PAFAH1B2: variants seen among roughly 807,000 people sequenced by gnomAD.
PAFAH1B2 encodes the protein platelet activating factor acetylhydrolase 1b catalytic subunit 2, also known as platelet-activating factor acetylhydrolase IB subunit alpha2.
A neutral mutation model predicts 28.0 loss-of-function variants in PAFAH1B2; 8 were observed. The ratio of observed to expected loss-of-function variants is 0.29; its 90% CI spans 0.17 to 0.52. The LOEUF is 0.52. Among genes scored for constraint, PAFAH1B2 ranks in the 20% least tolerant of loss-of-function variants. The pLI is 0.97. For missense variants in PAFAH1B2, 190 were observed against 282.6 expected (o/e 0.67, Z 2.35); for synonymous variants, 104 against 103.2 (o/e 1.01, Z -0.05).
downstream of PAFAH1B2, chr11:117,174,849 A>G (rs1055189223): frequency 1.1e-5 from 14 of 1,302,882 alleles, no homozygotes; most frequent in Non-Finnish European, 1.5e-5. Flanking sequence ...TCCTGACTTC[A>G]GATGATCCAA....
At chr11:117,174,055 G>A (rs754241415), downstream of PAFAH1B2, among the ~76,000 whole-genome samples, 42 of 151,994 alleles carry the variant, frequency 2.8e-4, no homozygotes, top group Non-Finnish European at 5.4e-4. Context: ...CCCACCCATA[G>A]GCATGGCTAC....
In PAFAH1B2 at chr11:117,161,329, AC is replaced by A. The variant is rs542841336; in HGVS notation, c.288+69del. 1.8e-4 allele frequency: 185 copies of A among 1,020,712 alleles called. No homozygotes were observed. The African/African-American group carries it at 3.0e-3, about 17-fold the overall frequency. 63.2% of individuals were successfully genotyped at this position (1,020,712 alleles called of 1,614,324 possible). ...GTTTTGGATAGTTAAATTGTCTGAA[AC>A]TGTAAAAAAAAATTGCTTCTTTAAA... is the stretch of plus-strand genomic sequence containing the variant. On this transcript the variant is annotated intron_variant, in intron 4 of 5. Coordinates refer to ENST00000527958, the MANE Select transcript of PAFAH1B2 (RefSeq NM_002572.4).
At chr11:117,164,756 C>T (rs1398114118) in intron 5 of PAFAH1B2, among the ~76,000 whole-genome samples, 1 of 151,862 alleles carries the variant, frequency 6.6e-6, no homozygotes, top group Non-Finnish European at 1.5e-5. Flanking sequence ...TAGCTGTAGG[C>T]CGGGTGTGGT....
downstream of PAFAH1B2, chr11:117,171,615 TC>T: frequency 9.6e-7 from 1 of 1,040,638 alleles, no homozygotes. Context: ...CACCCTTACG[TC>T]CCCAGGGTAA....
chr11:117,158,966 A>G (rs1956312712), intron 2 of PAFAH1B2, among the ~76,000 whole-genome samples: 1 of 152,074 alleles, frequency 6.6e-6, no homozygotes, highest in South Asian at 2.1e-4. Context: ...GGATGTTCTT[A>G]CTCTTAGGAG....
Position 117,159,332 on chromosome 11 carries a change from G to A in PAFAH1B2, c.82-602G>A, listed in dbSNP as rs563766488. 3 of 152,264 alleles carry A rather than the reference G, an allele frequency of 2.0e-5. No individual in the cohort carries two copies. The South Asian group carries it at 6.2e-4, about 32-fold the overall frequency. The allele number at this position is 152,264 out of a possible 1,614,324, so 9.4% of individuals were successfully genotyped here. On this transcript the variant is annotated intron_variant, in intron 2 of 5. Transcript: ENST00000527958. The stretch of plus-strand genomic sequence containing the variant: ...ATAGAATGAGAGGAATAAGCTTTGG[G>A]GATAGACTAAAAAAAATGTTCAACA...
downstream of PAFAH1B2, among the ~76,000 whole-genome samples, chr11:117,172,378 ATATATATATATATATATATATATATAT>A (rs1210060015): frequency 2.6e-3 from 20 of 7,772 alleles, no homozygotes; most frequent in East Asian, 0.013. Context: ...ATATATATAT[ATATATATATATATATATATATATATAT>A]TTTTTTTTTT....
chr11:117,153,597 G>T (rs1011137788), intron 2 of PAFAH1B2, among the ~76,000 whole-genome samples: 6 of 152,124 alleles, frequency 3.9e-5, no homozygotes, highest in Non-Finnish European at 8.8e-5. Context: ...TGCCATGTTG[G>T]CCAGGCTGGT....
At position 117,159,990 on chromosome 11, in the gene PAFAH1B2, A is replaced by G; in HGVS notation, c.138A>G (p.Gly46=). 6.2e-7 allele frequency: 1 copy of G among 1,613,764 alleles called. No homozygotes were observed. The highest frequency in any genetic ancestry group is 8.5e-7 in the Non-Finnish European group (1 of 1,179,680). ...AAGAGCCTGATGTACTGTTCGTGGGAGACTCCATGGTGCAGTTAATGCAGC... is the reference window on the plus strand; with the variant it reads ...AAGAGCCTGATGTACTGTTCGTGGGGGACTCCATGGTGCAGTTAATGCAGC... ...KDKEPDVLFV[G]DSMVQLMQQY... Residue 46 remains glycine, a synonymous_variant, in exon 3 of 6, where the codon GGA becomes GGG. Transcript: ENST00000527958.
chr11:117,147,388 C>A (rs1259696250), intron 1 of PAFAH1B2, among the ~76,000 whole-genome samples: 1 of 152,164 alleles, frequency 6.6e-6, no homozygotes, highest in Non-Finnish European at 1.5e-5. Flanking sequence ...TGTAGAGACA[C>A]AGTTTCACCA....
Position 117,168,674 on chromosome 11 carries a change from T to G in PAFAH1B2, c.*975T>G. The G allele has an allele frequency of 9.4e-7, 1 of 1,063,312 alleles. No individual in the cohort carries two copies. Among genetic ancestry groups the G allele is most frequent in the East Asian group, 5.0e-5 (1 of 19,918 alleles). The allele number at this position is 1,063,312 out of a possible 1,614,324, so 65.9% of individuals were successfully genotyped here. A position where few individuals can be genotyped will look rare whatever the true frequency, so the allele number is the denominator to read the frequency against. ...TTTTCCCTTAAAACCTGTTAACAGTTTTTTTTGGGGGTGGGGGGATTCAGA... is the reference window on the plus strand; with the variant it reads ...TTTTCCCTTAAAACCTGTTAACAGTGTTTTTTGGGGGTGGGGGGATTCAGA... On this transcript the variant is annotated 3_prime_UTR_variant, in exon 6 of 6. Transcript: ENST00000527958.
chr11:117,170,341 G>A lies in PAFAH1B2; in HGVS notation c.*2642G>A, dbSNP rs930636601. The A allele has an allele frequency of 7.6e-6, 8 of 1,059,554 alleles. No individual in the cohort carries two copies. The highest frequency in any genetic ancestry group is 5.0e-5 in the African/African-American group (3 of 59,844). The allele number at this position is 1,059,554 out of a possible 1,614,324, so 65.6% of individuals were successfully genotyped here. On this transcript the variant is annotated 3_prime_UTR_variant, in exon 6 of 6. Transcript: ENST00000527958. ...AGCAAATTTGTATTCCTTCGCCCAC[G>A]CATTCCTGCTATACTAGATGGCAGC...
chr11:117,165,241 C>A (rs185693658), intron 5 of PAFAH1B2, among the ~76,000 whole-genome samples: 140 of 151,062 alleles, frequency 9.3e-4, no homozygotes, highest in African/African-American at 3.3e-3. Flanking sequence ...CGTGAGCCAT[C>A]ACGCCTGGCT....
In PAFAH1B2 at chr11:117,169,245, C is replaced by T. The variant is rs1475615113; in HGVS notation, c.*1546C>T. 3 of 1,036,914 alleles carry T rather than the reference C, an allele frequency of 2.9e-6. No individual in the cohort carries two copies. In the African/African-American group the frequency reaches 5.0e-5, roughly 17 times the overall value. The allele number at this position is 1,036,914 out of a possible 1,614,324, so 64.2% of individuals were successfully genotyped here. ...ACTTCTGAGGTGTCTTATTAATGTA[C>T]TTCATCTGAGAATTTGTTGATCTTA... On this transcript the variant is annotated 3_prime_UTR_variant, in exon 6 of 6. Transcript: ENST00000527958.
chr11:117,168,404 C>G lies in PAFAH1B2; in HGVS notation c.*705C>G. 9.5e-7 allele frequency: 1 copy of G among 1,054,918 alleles called. No homozygotes were observed. The highest frequency in any genetic ancestry group is 1.1e-6 in the Non-Finnish European group (1 of 874,560). The allele number at this position is 1,054,918 out of a possible 1,614,324, so 65.3% of individuals were successfully genotyped here. On this transcript the variant is annotated 3_prime_UTR_variant, in exon 6 of 6. Transcript: ENST00000527958. ...TGCATGCAGCCTTTCCTCCTTATTC[C>G]CCTTCATGCCCCCCTTTCCCCTTCA...
At chr11:117,158,739 G>A (rs1301095321) in intron 2 of PAFAH1B2, among the ~76,000 whole-genome samples, 2 of 150,320 alleles carry the variant, frequency 1.3e-5, no homozygotes, top group African/African-American at 4.9e-5. Flanking sequence ...CCGTCTCCCA[G>A]GTTCAGGCGA....
chr11:117,171,579 T>C, downstream of PAFAH1B2: 1 of 766,052 alleles, frequency 1.3e-6, no homozygotes, highest in Non-Finnish European at 2.2e-6. Context: ...ATAGAGGACA[T>C]GAACCTTGAG....
downstream of PAFAH1B2, chr11:117,171,113 C>G (rs561357570): frequency 1.0e-6 from 1 of 973,254 alleles, no homozygotes; most frequent in Admixed American, 5.9e-5. Context: ...ATGGTTTTTC[C>G]CTGCCTTATC....
chr11:117,171,345 C>G (rs955688336), downstream of PAFAH1B2, among the ~76,000 whole-genome samples: 1 of 152,118 alleles, frequency 6.6e-6, no homozygotes, highest in Non-Finnish European at 1.5e-5. Context: ...GGCTGTGGAC[C>G]ACCTCATCTG....
Sources: allele counts gnomAD v4.1 joint callset (sites outside exome capture counted in the v4.1 genomes callset), GRCh38; gene constraint gnomAD v4.1.1; transcripts MANE v1.5; gene names NCBI Gene and HGNC (gene_info 2026-07-23, HGNC 2026-07-21).